Variants in IGSF5 observed in about 807,000 individuals in gnomAD.
The protein encoded by IGSF5 is immunoglobulin superfamily 5 like.
IGSF5 carries 41 observed loss-of-function variants against 39.4 expected under a neutral mutation model. That is an observed-to-expected ratio of 1.04 (90% CI 0.81 to 1.35). IGSF5 has a LOEUF of 1.35. Among genes scored for constraint, IGSF5 ranks in the 40% most tolerant of loss-of-function variants. IGSF5 has a pLI of 0.00. For synonymous variants in IGSF5, 183 were observed against 175.3 expected (o/e 1.04, Z -0.34); for missense variants, 487 against 494.6 (o/e 0.98, Z 0.15).
At chr21:39,799,296 T>C (rs960619346) in intron 8 of IGSF5, among the ~76,000 whole-genome samples, 2 of 152,106 alleles carry the variant, frequency 1.3e-5, no homozygotes, top group African/African-American at 4.8e-5. Context: ...AACACGGAGG[T>C]GCACCCAGCG....
chr21:39,748,301 C>CTTTT (rs60669244), intron 2 of IGSF5, among the ~76,000 whole-genome samples: 15,708 of 57,836 alleles, frequency 0.27, 5,374 homozygotes, highest in Admixed American at 0.41. Context: ...AAAACAAGAT[C>CTTTT]TTTTTTTTTT....
Position 39,765,592 on chromosome 21 carries a change from G to T in IGSF5, c.158G>T (p.Gly53Val), listed in dbSNP as rs573209649. The change falls in exon 3 of 9, where the codon GGC (glycine) becomes GTC (valine). Residue 53 changes from glycine to valine, a missense_variant. By Grantham distance (109) the Gly-to-Val change is moderately radical. Coordinates refer to ENST00000380588, the MANE Select transcript of IGSF5 (RefSeq NM_001080444.2). ...CCCCAAAATGCAAGAGTCCTGAAGG[G>T]CTCCCAGGCTCGCTTCAACTGCACC... ...EGPQNARVLK[G>V]SQARFNCTVS... 1.9e-6 allele frequency: 3 copies of T among 1,614,126 alleles called. No homozygotes were observed. Among genetic ancestry groups the T allele is most frequent in the South Asian group, 2.2e-5 (2 of 91,072 alleles).
rs577861814 is a variant in IGSF5, at chr21:39,770,451, C to G, written c.419-465C>G. Among the ~76,000 whole-genome samples the G allele has an allele frequency of 3.3e-5, 5 of 152,208 alleles. No homozygotes were observed. In the South Asian group the frequency reaches 1.0e-3, roughly 32 times the overall value. On this transcript the variant is annotated intron_variant, in intron 3 of 8. Transcript: ENST00000380588. ...AATAAATAAAAATGTATCTGATTGA[C>G]CAAAACTCCAGGGGAGACTTGCGTC...
intron 8 of IGSF5, among the ~76,000 whole-genome samples, chr21:39,796,901 T>C (rs1412240108): frequency 6.6e-6 from 1 of 152,222 alleles, no homozygotes; most frequent in Non-Finnish European, 1.5e-5. Flanking sequence ...CTAAAGCTCC[T>C]GCTTTGTCTT....
chr21:39,785,049 T>A (rs949826692), intron 5 of IGSF5, among the ~76,000 whole-genome samples: 4 of 151,956 alleles, frequency 2.6e-5, no homozygotes, highest in African/African-American at 9.7e-5. Context: ...TTCTTTTTTT[T>A]AAATTATACT....
intron 2 of IGSF5, among the ~76,000 whole-genome samples, chr21:39,754,926 T>C (rs1042236713): frequency 6.6e-6 from 1 of 152,168 alleles, no homozygotes; most frequent in Non-Finnish European, 1.5e-5. Context: ...GCTTGGTTCC[T>C]GGAGCTCTGA....
intron 8 of IGSF5, among the ~76,000 whole-genome samples, chr21:39,794,204 G>A (rs561879804): frequency 1.3e-5 from 2 of 152,196 alleles, no homozygotes; most frequent in Admixed American, 6.5e-5. Context: ...TGGCCAGAAC[G>A]GCTAAGAGGC....
At chr21:39,721,430 C>T in the IGSF5 span, among the ~76,000 whole-genome samples, 8 of 152,130 alleles carry the variant, frequency 5.3e-5, no homozygotes, top group Non-Finnish European at 7.4e-5. Context: ...TGCTGGAACT[C>T]GGCACCAGTG....
chr21:39,764,099 C>A (rs561844303), intron 2 of IGSF5, among the ~76,000 whole-genome samples: 4 of 152,094 alleles, frequency 2.6e-5, no homozygotes, highest in East Asian at 1.9e-4. Flanking sequence ...CTGCCTCTCC[C>A]GGGACCTAAA....
chr21:39,798,028 G>A (rs1362114261), intron 8 of IGSF5, among the ~76,000 whole-genome samples: 3 of 152,212 alleles, frequency 2.0e-5, no homozygotes, highest in East Asian at 1.9e-4. Flanking sequence ...CCCCCAGGAC[G>A]GGGAAATTTG....
At chr21:39,797,884 G>A (rs924562405) in intron 8 of IGSF5, among the ~76,000 whole-genome samples, 1 of 152,166 alleles carries the variant, frequency 6.6e-6, no homozygotes, top group Non-Finnish European at 1.5e-5. Context: ...CACTATAGAT[G>A]AATATACAAC....
At chr21:39,785,802 T>TTA (rs2080197715) in intron 5 of IGSF5, among the ~76,000 whole-genome samples, 1 of 152,130 alleles carries the variant, frequency 6.6e-6, no homozygotes, top group Non-Finnish European at 1.5e-5. Context: ...CCTAGGTATT[T>TTA]TATTCTCTTT....
chr21:39,782,069 G>A (rs2080173629), intron 5 of IGSF5, among the ~76,000 whole-genome samples: 1 of 152,084 alleles, frequency 6.6e-6, no homozygotes, highest in East Asian at 1.9e-4. Context: ...AGTTGTCCCG[G>A]CAGCATTGAC....
the IGSF5 span, among the ~76,000 whole-genome samples, chr21:39,721,686 C>CCTTT: frequency 2.8e-5 from 2 of 72,246 alleles, no homozygotes; most frequent in African/African-American, 9.1e-5. Context: ...TTCCTTCCTT[C>CCTTT]CTTCCTTCCT....
At chr21:39,750,091 A>G (rs2079997611) in intron 2 of IGSF5, among the ~76,000 whole-genome samples, 1 of 152,348 alleles carries the variant, frequency 6.6e-6, no homozygotes, top group Middle Eastern at 3.4e-3. Flanking sequence ...TTATTTAGGA[A>G]TAAAATGGGA....
intron 2 of IGSF5, among the ~76,000 whole-genome samples, chr21:39,753,279 C>T (rs374695854): frequency 6.6e-6 from 1 of 152,018 alleles, no homozygotes; most frequent in Admixed American, 6.6e-5. Flanking sequence ...TTTTTGTATG[C>T]TCGGTTGAAG....
Position 39,788,093 on chromosome 21 carries a change from A to G in IGSF5, c.935-74A>G, listed in dbSNP as rs2086934677. 5.1e-6 allele frequency: 6 copies of G among 1,187,936 alleles called. No individual in the cohort carries two copies. In the African/African-American group the frequency reaches 6.1e-5, roughly 12 times the overall value. The allele number at this position is 1,187,936 out of a possible 1,614,324, so 73.6% of individuals were successfully genotyped here. ...TGGGTCTGTTAAAATAAGGGAGTGT[A>G]TAAAAATTAATGAGACTCGATTTTT... On this transcript the variant is annotated intron_variant, in intron 5 of 8. Transcript: ENST00000380588.
At chr21:39,746,672 CAGTTAA>C (rs2079976520) in intron 2 of IGSF5, among the ~76,000 whole-genome samples, 1 of 5,544 alleles carries the variant, frequency 1.8e-4, no homozygotes, top group African/African-American at 5.3e-4. Flanking sequence ...TGATGGAACA[CAGTTAA>C]CAGTTAACAC....
At position 39,765,748 on chromosome 21, in the gene IGSF5, C is replaced by T. The variant is rs753184336; in HGVS notation, c.314C>T (p.Thr105Ile). 1.2e-6 allele frequency: 2 copies of T among 1,614,122 alleles called. No homozygotes were observed. Among genetic ancestry groups the T allele is most frequent in the South Asian group, 1.1e-5 (1 of 91,064 alleles). ...AGGTACGACCAGGGCGGGAACTTCA[C>T]CTCGGAGATGATCATCCACAATGTG... ...SQRYDQGGNF[T>I]SEMIIHNVEP... The change falls in exon 3 of 9, where the codon ACC becomes ATC. Residue 105 changes from threonine to isoleucine, a missense_variant. Transcript: ENST00000380588.
Sources: gnomAD v4.1 joint callset for allele counts (sites outside exome capture counted in the v4.1 genomes callset) on GRCh38, gnomAD v4.1.1 for gene constraint, MANE v1.5 for transcripts, NCBI Gene and HGNC (gene_info 2026-07-23, HGNC 2026-07-21) for gene names.